The following NHLRC2 variants were observed in gnomAD, a reference collection of about 807,000 sequenced individuals.
The protein encoded by NHLRC2 is NHL repeat-containing protein 2.
A neutral mutation model predicts 68.1 loss-of-function variants in NHLRC2; 33 were observed. The ratio of observed to expected loss-of-function variants is 0.48; its 90% confidence interval spans 0.37 to 0.65. The LOEUF is 0.65. Among genes scored for constraint, NHLRC2 ranks in the 30% least tolerant of loss-of-function variants. The pLI is 0.00. For missense variants in NHLRC2, 761 were observed against 853.8 expected (o/e 0.89, Z 1.35); for synonymous variants, 311 against 309.6 (o/e 1.00, Z -0.05).
intron 2 of NHLRC2, among the ~76,000 whole-genome samples, chr10:113,867,171 T>C (rs1010679448): frequency 2.0e-5 from 3 of 152,250 alleles, no homozygotes; most frequent in Non-Finnish European, 4.4e-5. Context: ...TCATCAGTTC[T>C]AGGAATGGTG....
chr10:113,869,919 C>T (rs1290287972), intron 2 of NHLRC2, among the ~76,000 whole-genome samples: 1 of 151,996 alleles, frequency 6.6e-6, no homozygotes, highest in African/African-American at 2.4e-5. Flanking sequence ...GTTTTTTGAG[C>T]CCTTCCTTAC....
chr10:113,903,812 G>A, intron 9 of NHLRC2, 76 bp downstream of exon 9: 1 of 878,768 alleles, frequency 1.1e-6, no homozygotes, highest in South Asian at 1.4e-5. Context: ...ACTGACAGAG[G>A]CATTTTTGGT....
intron 2 of NHLRC2, among the ~76,000 whole-genome samples, chr10:113,875,263 C>G (rs1845967974): frequency 2.0e-5 from 3 of 152,178 alleles, no homozygotes; most frequent in African/African-American, 7.2e-5. Flanking sequence ...CATCAGCTCT[C>G]GCTCCTTCTG....
chr10:113,884,178 A>G lies in NHLRC2; in HGVS notation c.910-73A>G, dbSNP rs1846060278. ...CTCTAAATGTTCTATTGACTATTGA[A>G]AATCTTTACACAGCAAAAGACAAAA... On this transcript the variant is annotated intron_variant, in intron 4 of 10. Transcript: ENST00000369301. 2.8e-6 allele frequency: 4 copies of G among 1,426,420 alleles called. No individual in the cohort carries two copies. In the East Asian group the frequency reaches 9.4e-5, roughly 33 times the overall value. 88.4% of individuals were successfully genotyped at this position (1,426,420 alleles called of 1,614,324 possible).
intron 8 of NHLRC2, among the ~76,000 whole-genome samples, 195 bp from the exon 9 acceptor site, chr10:113,903,332 A>C (rs1846244546): frequency 6.6e-6 from 1 of 152,192 alleles, no homozygotes; most frequent in African/African-American, 2.4e-5. Context: ...AGTTCTTAGA[A>C]TAGAATATCT....
At chr10:113,870,477 G>T (rs973691124) in intron 2 of NHLRC2, among the ~76,000 whole-genome samples, 1 of 151,988 alleles carries the variant, frequency 6.6e-6, no homozygotes. Flanking sequence ...AGAACTTCTT[G>T]ACTTTTAAAA....
intron 1 of NHLRC2, 41 bp from the exon 2 acceptor site, chr10:113,858,487 T>C (rs2301180): frequency 0.28 from 395,453 of 1,419,310 alleles, 57,063 homozygotes; most frequent in East Asian, 0.29. Flanking sequence ...AAATTTTATC[T>C]TTCTCTTTAA....
rs1056335204 is a variant in NHLRC2 at position 113,858,570 on chromosome 10, A to G, written c.221A>G (p.Lys74Arg). The G allele has an allele frequency of 6.2e-7, 1 of 1,609,928 alleles. No homozygotes were observed. The change falls in exon 2 of 11, where the codon AAG becomes AGG. Residue 74 changes from lysine to arginine, a missense_variant. Transcript: ENST00000369301. ...LNTEEPISVY[K>R]DLCGKIVVLD... ...ACAGAAGAACCTATTTCTGTCTACA[A>G]GGATCTATGTGGAAAAATAGTCGTC...
At position 113,913,398 on chromosome 10, in the gene NHLRC2, T is replaced by C. The variant is rs1411979562; in HGVS notation, c.*4862T>C. Reference sequence around the variant, plus strand: ...TGCATTATATACTGTTATTCAGACCTTGGAACAGTCTATAATTGTTTGTCA... The same window carrying C: ...TGCATTATATACTGTTATTCAGACCCTGGAACAGTCTATAATTGTTTGTCA... On this transcript the variant is annotated 3_prime_UTR_variant, in exon 11 of 11. Coordinates refer to ENST00000369301, the MANE Select transcript of NHLRC2 (RefSeq NM_198514.4). 1 of 152,210 alleles carries C rather than the reference T, an allele frequency of 6.6e-6. No individual in the cohort carries two copies. The highest frequency in any genetic ancestry group is 6.5e-5 in the Admixed American group (1 of 15,286). The allele number at this position is 152,210 out of a possible 1,614,324, so 9.4% of individuals were successfully genotyped here.
chr10:113,885,595 A>T (rs2134717724), intron 5 of NHLRC2, among the ~76,000 whole-genome samples: 1 of 152,066 alleles, frequency 6.6e-6, no homozygotes, highest in South Asian at 2.1e-4. Context: ...GCTAAATCGT[A>T]TTTTAGTATG....
chr10:113,885,990 A>T (rs1470932859), intron 5 of NHLRC2, among the ~76,000 whole-genome samples: 1 of 152,062 alleles, frequency 6.6e-6, no homozygotes, highest in Non-Finnish European at 1.5e-5. Flanking sequence ...ATATGTAGAA[A>T]ATCCTTATGA....
At chr10:113,873,810 G>A (rs1845952125) in intron 2 of NHLRC2, among the ~76,000 whole-genome samples, 1 of 152,084 alleles carries the variant, frequency 6.6e-6, no homozygotes, top group African/African-American at 2.4e-5. Context: ...CACTCATCTG[G>A]CCCAGAAATT....
chr10:113,866,138 G>A (rs1213729669), intron 2 of NHLRC2, among the ~76,000 whole-genome samples: 2 of 152,202 alleles, frequency 1.3e-5, no homozygotes, highest in African/African-American at 4.8e-5. Context: ...TTAAATGCAG[G>A]TTTGTAATAG....
rs776597770 is a variant in NHLRC2 at position 113,884,346 on chromosome 10, T to A, written c.1005T>A (p.Ile335=). Residue 335 remains isoleucine (I), a synonymous_variant, in exon 5 of 11, where the codon ATT becomes ATA. Transcript: ENST00000369301. ...GAGCAAAAGGAGAACAACAACCCATTAGTTCCCCTTGGGATGTAGTTTTTG... is the reference window on the plus strand; with the variant it reads ...GAGCAAAAGGAGAACAACAACCCATAAGTTCCCCTTGGGATGTAGTTTTTG... ...EGGAKGEQQP[I]SSPWDVVFGT... 6.2e-7 allele frequency: 1 copy of A among 1,610,390 alleles called. No individual in the cohort carries two copies. The highest frequency in any genetic ancestry group is 8.5e-7 in the Non-Finnish European group (1 of 1,177,286).
At chr10:113,879,368 CT>C (rs1846016108) in intron 3 of NHLRC2, among the ~76,000 whole-genome samples, 1 of 152,102 alleles carries the variant, frequency 6.6e-6, no homozygotes, top group Non-Finnish European at 1.5e-5. Context: ...TACTACTATG[CT>C]TAAGTGCACT....
chr10:113,884,471 A>G, intron 5 of NHLRC2, 91 bp downstream of exon 5: 1 of 1,035,710 alleles, frequency 9.7e-7, no homozygotes, highest in South Asian at 1.6e-5. Context: ...GGATTCCATT[A>G]CTAGTTATTT....
At chr10:113,897,191 A>T (rs1227700411) in intron 5 of NHLRC2, among the ~76,000 whole-genome samples, 1 of 152,112 alleles carries the variant, frequency 6.6e-6, no homozygotes, top group African/African-American at 2.4e-5. Flanking sequence ...CAGGAACATA[A>T]AAGTCATTTT....
chr10:113,882,378 T>A (rs1021945942), intron 4 of NHLRC2, among the ~76,000 whole-genome samples: 2 of 151,862 alleles, frequency 1.3e-5, no homozygotes, highest in Non-Finnish European at 3.0e-5. Flanking sequence ...TTTCATTTTT[T>A]AAAAATTCTA....
chr10:113,868,980 C>G (rs79436433), intron 2 of NHLRC2, among the ~76,000 whole-genome samples: 21 of 151,954 alleles, frequency 1.4e-4, no homozygotes, highest in African/African-American at 5.1e-4. Flanking sequence ...GGAGAAGATA[C>G]TGGAGAGATG....
Sources: allele counts gnomAD v4.1 joint callset (sites outside exome capture counted in the v4.1 genomes callset), GRCh38; gene constraint gnomAD v4.1.1; transcripts MANE v1.5; gene names NCBI Gene and HGNC (gene_info 2026-07-23, HGNC 2026-07-21).